Variants in INPP4B observed in about 807,000 individuals in gnomAD.
The protein encoded by INPP4B is inositol polyphosphate-4-phosphatase type II B, also known as inositol polyphosphate 4-phosphatase type II.
Under a neutral mutation model 122.5 loss-of-function variants are expected in INPP4B, and 55 were observed. The ratio of observed to expected loss-of-function variants is 0.45; its 90% CI spans 0.36 to 0.56. The LOEUF is 0.56. Among genes scored for constraint, INPP4B ranks in the 20% least tolerant of loss-of-function variants. INPP4B has a pLI of 0.00. For missense variants in INPP4B, 1,000 were observed against 1,097.7 expected (o/e 0.91, Z 1.26); for synonymous variants, 403 against 388.7 (o/e 1.04, Z -0.43).
intron 3 of INPP4B, among the ~76,000 whole-genome samples, chr4:142,448,218 G>A (rs1467386939): frequency 1.3e-5 from 2 of 151,202 alleles, no homozygotes; most frequent in East Asian, 2.0e-4. Context: ...TGATGTCCAG[G>A]CATGGAGTGC....
chr4:142,115,269 T>C (rs530163698), intron 21 of INPP4B, among the ~76,000 whole-genome samples: 3 of 152,156 alleles, frequency 2.0e-5, no homozygotes, highest in African/African-American at 7.2e-5. Context: ...GTCCCAAATC[T>C]AGCAAGGCAG....
At chr4:142,841,631 A>G (rs1436750880) in intron 1 of INPP4B, among the ~76,000 whole-genome samples, 3 of 151,948 alleles carry the variant, frequency 2.0e-5, no homozygotes, top group Non-Finnish European at 4.4e-5. Flanking sequence ...TTGTTGCTTA[A>G]CATTTAAAAA....
chr4:142,626,227 G>A (rs1448760664), intron 2 of INPP4B, among the ~76,000 whole-genome samples: 7 of 152,038 alleles, frequency 4.6e-5, no homozygotes, highest in Non-Finnish European at 1.0e-4. Context: ...TTGAACATGA[G>A]CAGAACTGTG....
intron 7 of INPP4B, among the ~76,000 whole-genome samples, chr4:142,398,653 TACAC>T (rs1290178631): frequency 6.6e-6 from 1 of 151,542 alleles, no homozygotes; most frequent in East Asian, 2.0e-4. Context: ...AACATTATCT[TACAC>T]AGAAAAACAT....
At position 142,162,642 on chromosome 4, in the gene INPP4B, T is replaced by C. The variant is rs1170599119; in HGVS notation, c.1360-2081A>G. On this transcript the variant is annotated intron_variant, in intron 16 of 25. Coordinates refer to ENST00000262992, the MANE Select transcript of INPP4B (RefSeq NM_001101669.3). The stretch of plus-strand genomic sequence containing the variant: ...ATATTCATTCACACTCAATGAAATC[T>C]TCTCTAGCACTTGTAATCACTATCA... 2.0e-5 allele frequency among the ~76,000 whole-genome samples: 3 copies of C among 151,952 alleles called. No homozygotes were observed. The East Asian group carries it at 5.8e-4, about 29-fold the overall frequency.
rs1700876008 is a variant in INPP4B at position 142,027,922 on chromosome 4, A to G, written c.*860T>C. 5.4e-6 allele frequency: 1 copy of G among 183,812 alleles called. No homozygotes were observed. Among genetic ancestry groups the G allele is most frequent in the Non-Finnish European group, 1.2e-5 (1 of 86,616 alleles). The allele number at this position is 183,812 out of a possible 1,614,324, so 11.4% of individuals were successfully genotyped here. ...GCTTACACCAGGATGACTGCTAAGA[A>G]ACATCTCAGAGATACCTCACTGACA... On this transcript the variant is annotated 3_prime_UTR_variant, in exon 26 of 26. Coordinates refer to ENST00000262992, the MANE Select transcript of INPP4B (RefSeq NM_001101669.3).
At chr4:142,192,529 G>A (rs1836451668) in intron 15 of INPP4B, among the ~76,000 whole-genome samples, 1 of 151,828 alleles carries the variant, frequency 6.6e-6, no homozygotes, top group Non-Finnish European at 1.5e-5. Context: ...GCTTTATAAG[G>A]CAATATTTAA....
rs1252029317 is a variant in INPP4B, at chr4:142,545,752, TACAC to T, written c.-190-83030_-190-83027del. ...ATATACACATATATGTGTATATATA[TACAC>T]ATGTATATGTGTGTATATATATACA... On this transcript the variant is annotated intron_variant, in intron 2 of 25. Transcript: ENST00000262992. Among the ~76,000 whole-genome samples the T allele has an allele frequency of 1.1e-3, 157 of 141,210 alleles. 1 individual carries two copies. Among genetic ancestry groups the T allele is most frequent in the African/African-American group, 4.1e-3 (150 of 37,008 alleles). The allele number at this position is 141,210 out of a possible 152,430, so 92.6% of individuals were successfully genotyped here.
chr4:142,710,655 A>T (rs1212460009), intron 2 of INPP4B, among the ~76,000 whole-genome samples: 1 of 152,220 alleles, frequency 6.6e-6, no homozygotes, highest in Non-Finnish European at 1.5e-5. Context: ...TGAATGAGCA[A>T]TCTATATCCT....
At chr4:142,258,230 C>G (rs867359592) in intron 11 of INPP4B, among the ~76,000 whole-genome samples, 78 of 151,626 alleles carry the variant, frequency 5.1e-4, no homozygotes, top group South Asian at 1.3e-3. Context: ...TTAAACGTTA[C>G]ACCTAAAACC....
At chr4:142,527,102 T>C (rs6537108) in intron 2 of INPP4B, among the ~76,000 whole-genome samples, 147,483 of 151,912 alleles carry the variant, frequency 0.97, 71,723 homozygotes, top group East Asian at 1. Flanking sequence ...ATGCCCAATA[T>C]GAAATTCGAC....
At chr4:142,781,450 C>G (rs1263080862) in intron 1 of INPP4B, among the ~76,000 whole-genome samples, 1 of 152,132 alleles carries the variant, frequency 6.6e-6, no homozygotes, top group Non-Finnish European at 1.5e-5. Context: ...ATGAGAGAAC[C>G]ATGTAACACC....
intron 9 of INPP4B, among the ~76,000 whole-genome samples, chr4:142,285,515 T>C (rs919407680): frequency 1.8e-5 from 1 of 54,110 alleles, no homozygotes; most frequent in Non-Finnish European, 3.0e-5. Flanking sequence ...GTATACCATG[T>C]CTGAGGCCAT....
chr4:142,708,242 G>A (rs535332801), intron 2 of INPP4B, among the ~76,000 whole-genome samples: 1 of 152,244 alleles, frequency 6.6e-6, no homozygotes, highest in Non-Finnish European at 1.5e-5. Flanking sequence ...TTTTAAAAAG[G>A]GAAGCAGAGC....
At position 142,707,535 on chromosome 4, in the gene INPP4B, G is replaced by A. The variant is rs574441644; in HGVS notation, c.-191+18304C>T. ...CATGATAGTGAGCGAGTTCTCATGA[G>A]ATCTGCTTGTTTAAAAGTGTGTAGC... On this transcript the variant is annotated intron_variant, in intron 2 of 25. Transcript: ENST00000262992. Among the ~76,000 whole-genome samples, 17 of 152,244 alleles carry A rather than the reference G, an allele frequency of 1.1e-4. No homozygotes were observed. The South Asian group carries it at 1.9e-3, about 17-fold the overall frequency.
intron 1 of INPP4B, among the ~76,000 whole-genome samples, chr4:142,790,161 A>G (rs1332126489): frequency 1.3e-5 from 2 of 152,150 alleles, no homozygotes; most frequent in African/African-American, 4.8e-5. Flanking sequence ...CCTTCTAGAC[A>G]TGGGCTTAGG....
At chr4:142,148,144 A>C (rs1811795102) in intron 17 of INPP4B, among the ~76,000 whole-genome samples, 1 of 152,194 alleles carries the variant, frequency 6.6e-6, no homozygotes, top group Non-Finnish European at 1.5e-5. Flanking sequence ...GAGGAAAAAA[A>C]GGGGAGCAGG....
chr4:142,471,817 AT>A (rs1296763054), intron 2 of INPP4B, among the ~76,000 whole-genome samples: 1 of 151,948 alleles, frequency 6.6e-6, no homozygotes, highest in African/African-American at 2.4e-5. Context: ...GTTCTTTAGG[AT>A]TTTAGTGGAT....
At chr4:142,683,741 A>T (rs1017929475) in intron 2 of INPP4B, among the ~76,000 whole-genome samples, 5 of 151,884 alleles carry the variant, frequency 3.3e-5, no homozygotes, top group Non-Finnish European at 5.9e-5. Flanking sequence ...AGATCTGAGG[A>T]TATATGAATC....
Sources: gnomAD v4.1 joint callset for allele counts (sites outside exome capture counted in the v4.1 genomes callset) on GRCh38, gnomAD v4.1.1 for gene constraint, MANE v1.5 for transcripts, NCBI Gene and HGNC (gene_info 2026-07-23, HGNC 2026-07-21) for gene names.